Variants in EEF1G observed in about 807,000 individuals in gnomAD.
The protein encoded by EEF1G is eukaryotic translation elongation factor 1 gamma, also known as elongation factor 1-gamma.
A neutral mutation model predicts 58.3 loss-of-function variants in EEF1G; 14 were observed. That is an observed-to-expected ratio of 0.24 (90% CI 0.16 to 0.38). The LOEUF (loss-of-function observed/expected upper bound fraction) is 0.38, where lower values mean the gene tolerates loss of function less well. Ranked by LOEUF, EEF1G falls within the 10% of genes least tolerant of loss-of-function variation. The pLI is 1.00. For missense variants in EEF1G, 322 were observed against 550.1 expected (o/e 0.59, Z 4.15); for synonymous variants, 180 against 206.8 (o/e 0.87, Z 1.11).
chr11:62,568,713 C>T (rs1430030430), intron 5 of EEF1G, among the ~76,000 whole-genome samples: 1 of 152,128 alleles, frequency 6.6e-6, no homozygotes, highest in African/African-American at 2.4e-5. Context: ...TGGCTCACGC[C>T]TATAATCCCA....
chr11:62,567,040 G>T, intron 6 of EEF1G, 30 bp from the exon 7 acceptor site: 1 of 1,608,610 alleles, frequency 6.2e-7, no homozygotes, highest in South Asian at 1.1e-5. Context: ...GAAAGTGAAC[G>T]AATGTTCTGC....
intron 5 of EEF1G, among the ~76,000 whole-genome samples, chr11:62,569,801 G>C (rs796229691): frequency 8.6e-5 from 13 of 151,804 alleles, no homozygotes; most frequent in African/African-American, 3.2e-4. Context: ...CTGGCATGCA[G>C]TAAGTGTTTT....
At chr11:62,573,609 C>G in intron 1 of EEF1G, 1 of 658,392 alleles carries the variant, frequency 1.5e-6, no homozygotes, top group South Asian at 1.9e-5. Flanking sequence ...CCCGGCATCT[C>G]TTTTCTCCTC....
chr11:62,573,623 C>T, intron 1 of EEF1G: 1 of 706,500 alleles, frequency 1.4e-6, no homozygotes. Flanking sequence ...TCTCCTCTTC[C>T]CCAGACCCTT....
At chr11:62,560,569 T>G in intron 7 of EEF1G, 115 bp from the exon 8 acceptor site, 1 of 1,165,518 alleles carries the variant, frequency 8.6e-7, no homozygotes, top group Non-Finnish European at 1.2e-6. Context: ...GTCATTGTGC[T>G]GGCAGATGTG....
intron 3 of EEF1G, 56 bp downstream of exon 3, chr11:62,571,782 C>A (rs951038498): frequency 4.5e-6 from 7 of 1,565,764 alleles, no homozygotes; most frequent in African/African-American, 4.1e-5. Flanking sequence ...CACACTTATC[C>A]TCTCCTACAC....
At chr11:62,566,284 C>A (rs1941554458) in intron 7 of EEF1G, among the ~76,000 whole-genome samples, 1 of 152,200 alleles carries the variant, frequency 6.6e-6, no homozygotes, top group Non-Finnish European at 1.5e-5. Flanking sequence ...GGTTGTGGAA[C>A]AATGAACTAG....
chr11:62,560,579 G>T (rs1941482354), intron 7 of EEF1G, 125 bp from the exon 8 acceptor site: 2 of 1,089,386 alleles, frequency 1.8e-6, no homozygotes, highest in Admixed American at 2.2e-5. Context: ...TGGCAGATGT[G>T]TATGACCTTA....
At chr11:62,571,980 G>C (rs936326591) in intron 2 of EEF1G, 79 bp from the exon 3 acceptor site, 80 of 1,199,564 alleles carry the variant, frequency 6.7e-5, no homozygotes, top group Non-Finnish European at 8.7e-5. Flanking sequence ...AAACTGCTTT[G>C]AAAATACTTA....
At chr11:62,568,519 C>T (rs1014230266) in intron 5 of EEF1G, among the ~76,000 whole-genome samples, 1 of 151,972 alleles carries the variant, frequency 6.6e-6, no homozygotes, top group South Asian at 2.1e-4. Context: ...TACCCGTGAG[C>T]CACCACACCT....
chr11:62,572,776 T>G, intron 1 of EEF1G, 34 bp from the exon 2 acceptor site: 2 of 1,587,746 alleles, frequency 1.3e-6, no homozygotes, highest in East Asian at 2.3e-5. Context: ...AATTAATGAG[T>G]AGAAGGGTCC....
intron 4 of EEF1G, 94 bp downstream of exon 4, chr11:62,571,446 C>A: frequency 6.8e-7 from 1 of 1,469,090 alleles, no homozygotes; most frequent in South Asian, 1.4e-5. Flanking sequence ...ATATCCTTGG[C>A]ATCTTTTTTT....
chr11:62,560,156 G>A lies in EEF1G; in HGVS notation c.1068C>T (p.Ala356=), dbSNP rs764741268. The part of the protein sequence containing the change: ...FQRLDKLRKN[A]FASVILFGTN... ...TTCCAAAAAGGATGACACTGGCGAA[G>A]GCATTCTTCCTCAGCTTGTCCAGTC... is the stretch of plus-strand genomic sequence containing the variant. The change falls in exon 9 of 10, where the codon GCC becomes GCT. Residue 356 remains alanine, a synonymous_variant. Coordinates refer to ENST00000329251, the MANE Select transcript of EEF1G (RefSeq NM_001404.5). 2.5e-6 allele frequency: 4 copies of A among 1,614,036 alleles called. No homozygotes were observed. Among genetic ancestry groups the A allele is most frequent in the Admixed American group, 3.3e-5 (2 of 60,028 alleles).
At chr11:62,569,746 G>A (rs1448073062) in intron 5 of EEF1G, among the ~76,000 whole-genome samples, 1 of 152,220 alleles carries the variant, frequency 6.6e-6, no homozygotes, top group Admixed American at 6.5e-5. Flanking sequence ...CCACTTAGTA[G>A]ATTCACTCAC....
At chr11:62,569,716 T>C (rs1448094344) in intron 5 of EEF1G, among the ~76,000 whole-genome samples, 1 of 152,152 alleles carries the variant, frequency 6.6e-6, no homozygotes, top group Admixed American at 6.5e-5. Context: ...CCACAGTACT[T>C]GGGTTCAAAT....
At chr11:62,573,597 G>A (rs1941664658) in intron 1 of EEF1G, 2 of 629,722 alleles carry the variant, frequency 3.2e-6, no homozygotes, top group Non-Finnish European at 5.5e-6. Context: ...GGACGGCCCA[G>A]ACCCGGCATC....
At chr11:62,572,399 G>A (rs1352863054) in intron 2 of EEF1G, among the ~76,000 whole-genome samples, 185 bp downstream of exon 2, 1 of 152,222 alleles carries the variant, frequency 6.6e-6, no homozygotes, top group Non-Finnish European at 1.5e-5. Flanking sequence ...TAAAGTCACA[G>A]AATAGCTCTG....
Position 62,572,615 on chromosome 11 carries a change from G to C in EEF1G, c.140C>G (p.Pro47Arg). 3 of 1,612,228 alleles carry C rather than the reference G, an allele frequency of 1.9e-6. No individual in the cohort carries two copies. Among genetic ancestry groups the C allele is most frequent in the Non-Finnish European group, 1.7e-6 (2 of 1,179,882 alleles). Residue 47 changes from proline (P) to arginine (R), a missense_variant, in exon 2 of 10, where the codon CCT becomes CGT. By Grantham distance (103) the Pro-to-Arg change is moderately radical. This residue lies in a region of EEF1G where 62 missense variants were observed against 87.0 expected (regional missense o/e 0.71). Transcript: ENST00000329251. ...HFHFGQTNRTPEFLRKFPAGK... is the reference protein window; with the variant it reads ...HFHFGQTNRTREFLRKFPAGK... ...GGCAGGAAATTTGCGGAGAAATTCA[G>C]GGGTGCGGTTGGTTTGGCCAAAATG...
chr11:62,567,542 A>G lies in EEF1G; in HGVS notation c.523-14T>C, dbSNP rs1415200965. 1.3e-6 allele frequency: 2 copies of G among 1,586,408 alleles called. No individual in the cohort carries two copies. The highest frequency in any genetic ancestry group is 1.2e-5 in the South Asian group (1 of 86,340). ...AGGCTCTAGAACCTGCCAGGACATA[A>G]GGGTGTAAACAAAGTCAGTGGAAAG... On this transcript the variant is annotated splice_polypyrimidine_tract_variant and intron_variant, in intron 5 of 9. Coordinates refer to ENST00000329251, the MANE Select transcript of EEF1G (RefSeq NM_001404.5).
Sources: gnomAD v4.1 joint callset for allele counts (sites outside exome capture counted in the v4.1 genomes callset) on GRCh38, gnomAD v4.1.1 for gene constraint, gnomAD v4.1.1 regional missense constraint, MANE v1.5 for transcripts, NCBI Gene and HGNC (gene_info 2026-07-23, HGNC 2026-07-21) for gene names.